The following NAA15 variants were observed in gnomAD, a reference collection of about 807,000 sequenced individuals.
NAA15 encodes the protein N-alpha-acetyltransferase 15, NatA auxiliary subunit, also known as N-terminal acetyltransferase.
A neutral mutation model predicts 114.0 loss-of-function variants in NAA15; 34 were observed. The observed-to-expected ratio is 0.30, with a 90% CI of 0.23 to 0.40. The LOEUF is 0.40. Ranked by LOEUF, NAA15 falls within the 10% of genes least tolerant of loss-of-function variation. The pLI is 1.00. For missense variants in NAA15, 658 were observed against 1,004.5 expected (o/e 0.66, Z 4.66); for synonymous variants, 340 against 338.0 (o/e 1.01, Z -0.06).
intron 1 of NAA15, among the ~76,000 whole-genome samples, chr4:139,302,947 A>G (rs534737018): frequency 2.1e-4 from 32 of 152,308 alleles, no homozygotes; most frequent in African/African-American, 7.5e-4. Context: ...CAAATTTAAG[A>G]CTTTTAAAAT....
intron 17 of NAA15, among the ~76,000 whole-genome samples, chr4:139,382,338 G>A (rs945551431): frequency 3.3e-5 from 5 of 152,108 alleles, no homozygotes; most frequent in Admixed American, 2.6e-4. Context: ...TCAGCTGTTA[G>A]TGAAGTTATT....
rs397878629 is a variant in NAA15 at position 139,389,216 on chromosome 4, T to TC, written c.*1133dup. The TC allele has an allele frequency of 7.4e-5, 11 of 148,422 alleles. No homozygotes were observed. The highest frequency in any genetic ancestry group is 1.3e-4 in the Non-Finnish European group (9 of 67,552). The allele number at this position is 148,422 out of a possible 1,614,324, so 9.2% of individuals were successfully genotyped here. On this transcript the variant is annotated 3_prime_UTR_variant, in exon 20 of 20. Coordinates refer to ENST00000296543, the MANE Select transcript of NAA15 (RefSeq NM_057175.5). ...AAGATTTTTTTTTTTTTTTTTTTTT[T>TC]CAAATAACAGACCAGCTTCTTTTTC...
intron 1 of NAA15, among the ~76,000 whole-genome samples, chr4:139,305,992 T>C (rs1308178200): frequency 2.0e-5 from 3 of 152,254 alleles, no homozygotes; most frequent in Non-Finnish European, 4.4e-5. Context: ...GGAAACCTGC[T>C]TTACACATAA....
At chr4:139,357,704 A>G in intron 11 of NAA15, 149 bp downstream of exon 11, 1 of 606,878 alleles carries the variant, frequency 1.6e-6, no homozygotes, top group Admixed American at 3.1e-5. Context: ...TCTCAGTCCA[A>G]TTACTTTGAG....
chr4:139,353,781 T>G (rs986007050), intron 9 of NAA15, among the ~76,000 whole-genome samples: 2 of 152,190 alleles, frequency 1.3e-5, no homozygotes, highest in Non-Finnish European at 2.9e-5. Context: ...CAACTCTTCC[T>G]GATTTCTGGT....
At chr4:139,368,949 G>A (rs756747807) in intron 14 of NAA15, among the ~76,000 whole-genome samples, 3 of 152,106 alleles carry the variant, frequency 2.0e-5, no homozygotes, top group African/African-American at 4.8e-5. Flanking sequence ...CCAGTCTTTT[G>A]AGACAGTCAA....
intron 15 of NAA15, among the ~76,000 whole-genome samples, chr4:139,373,941 G>A (rs1748513209): frequency 6.6e-6 from 1 of 152,166 alleles, no homozygotes. Flanking sequence ...CTGACTTGAA[G>A]TGATATGCCC....
chr4:139,315,999 G>A (rs570259518), intron 1 of NAA15, among the ~76,000 whole-genome samples: 25 of 150,820 alleles, frequency 1.7e-4, no homozygotes, highest in African/African-American at 5.1e-4. Flanking sequence ...CTCTTTTCCT[G>A]TGATTTTTTG....
In NAA15 at chr4:139,387,881, T is replaced by C. The variant is rs1316524908; in HGVS notation, c.2401-3T>C. 4.3e-6 allele frequency: 7 copies of C among 1,611,240 alleles called. No homozygotes were observed. Among genetic ancestry groups the C allele is most frequent in the Non-Finnish European group, 5.9e-6 (7 of 1,179,022 alleles). On this transcript the variant is annotated splice_polypyrimidine_tract_variant and splice_region_variant and intron_variant, in intron 19 of 19. Coordinates refer to ENST00000296543, the MANE Select transcript of NAA15 (RefSeq NM_057175.5). ...TACAACATGACTTTTTTTCTTTCCT[T>C]AGACATGTATGGAGGTATTGGAAGC...
chr4:139,345,121 A>T (rs1293587392), intron 6 of NAA15, among the ~76,000 whole-genome samples: 2 of 152,248 alleles, frequency 1.3e-5, no homozygotes, highest in African/African-American at 4.8e-5. Flanking sequence ...CACAAAAAGT[A>T]TAATATACAT....
intron 10 of NAA15, among the ~76,000 whole-genome samples, chr4:139,354,308 GT>G (rs1207875707): frequency 2.6e-5 from 4 of 151,744 alleles, no homozygotes; most frequent in Non-Finnish European, 4.4e-5. Context: ...TGTGTTTTGG[GT>G]TTTTTTTGAG....
rs1004525355 is a variant in NAA15, at chr4:139,337,984, T to G, written c.244+1032T>G. On this transcript the variant is annotated intron_variant, in intron 3 of 19. Coordinates refer to ENST00000296543, the MANE Select transcript of NAA15 (RefSeq NM_057175.5). ...TTAAGACTGTCATAGATAGATGTCT[T>G]TCCATCATTTTTAATGATTGTATAG... 3.3e-5 allele frequency among the ~76,000 whole-genome samples: 5 copies of G among 152,242 alleles called. No homozygotes were observed. In the South Asian group the frequency reaches 1.0e-3, roughly 31 times the overall value.
chr4:139,390,774 TG>T lies in NAA15; in HGVS notation c.*2691del, dbSNP rs1749040211. The T allele has an allele frequency of 6.6e-6, 1 of 152,246 alleles. No individual in the cohort carries two copies. Among genetic ancestry groups the T allele is most frequent in the African/African-American group, 2.4e-5 (1 of 41,462 alleles). 9.4% of individuals were successfully genotyped at this position (152,246 alleles called of 1,614,324 possible). On this transcript the variant is annotated 3_prime_UTR_variant, in exon 20 of 20. Coordinates refer to ENST00000296543, the MANE Select transcript of NAA15 (RefSeq NM_057175.5). ...ATTTATTATGCACAAAAATAAAGTGTGATCTCTAATAGCATGGCTAAAGGTA... is the reference window on the plus strand; with the variant it reads ...ATTTATTATGCACAAAAATAAAGTGTATCTCTAATAGCATGGCTAAAGGTA...
intron 1 of NAA15, among the ~76,000 whole-genome samples, chr4:139,307,173 T>C (rs1435517766): frequency 6.6e-6 from 1 of 152,230 alleles, no homozygotes; most frequent in African/African-American, 2.4e-5. Flanking sequence ...CTGCTCTAGG[T>C]GCTTTAGAAT....
intron 7 of NAA15, among the ~76,000 whole-genome samples, chr4:139,350,169 G>A (rs1184354234): frequency 6.6e-6 from 1 of 152,164 alleles, no homozygotes; most frequent in African/African-American, 2.4e-5. Context: ...GAAGCCAGGT[G>A]TAGGGGCTCA....
At chr4:139,330,427 C>A (rs1221027066) in intron 1 of NAA15, among the ~76,000 whole-genome samples, 2 of 152,128 alleles carry the variant, frequency 1.3e-5, no homozygotes, top group Non-Finnish European at 2.9e-5. Context: ...TCCTCTTATC[C>A]CTGAAATCAC....
chr4:139,376,139 A>G (rs1285899040), intron 15 of NAA15, among the ~76,000 whole-genome samples: 6 of 151,286 alleles, frequency 4.0e-5, no homozygotes, highest in Admixed American at 3.9e-4. Flanking sequence ...TTCTTTTTGG[A>G]TAGTTTCTAT....
At chr4:139,355,138 C>T (rs1747906011) in intron 10 of NAA15, among the ~76,000 whole-genome samples, 1 of 152,046 alleles carries the variant, frequency 6.6e-6, no homozygotes, top group Non-Finnish European at 1.5e-5. Flanking sequence ...TTCGGCCTCC[C>T]AAAGTCCTGG....
At chr4:139,317,460 A>T (rs568089166) in intron 1 of NAA15, among the ~76,000 whole-genome samples, 1 of 152,318 alleles carries the variant, frequency 6.6e-6, no homozygotes, top group Non-Finnish European at 1.5e-5. Context: ...GTCTCTACTA[A>T]GAATACAAAA....
Sources: allele counts gnomAD v4.1 joint callset (sites outside exome capture counted in the v4.1 genomes callset), GRCh38; gene constraint gnomAD v4.1.1; transcripts MANE v1.5; gene names NCBI Gene and HGNC (gene_info 2026-07-23, HGNC 2026-07-21).